NKD2: variants seen among roughly 807,000 people sequenced by gnomAD.
The protein encoded by NKD2 is NKD inhibitor of Wnt signaling pathway 2, also known as protein naked cuticle homolog 2.
NKD2 carries 43 observed loss-of-function variants against 34.8 expected under a neutral mutation model. The ratio of observed to expected loss-of-function variants is 1.24; its 90% CI spans 0.97 to 1.60. NKD2 has a LOEUF of 1.60. Among genes scored for constraint, NKD2 ranks in the 40% most tolerant of loss-of-function variants. The pLI is 0.00. For missense variants in NKD2, 675 were observed against 627.1 expected (o/e 1.08, Z -0.82); for synonymous variants, 278 against 265.1 (o/e 1.05, Z -0.47).
chr5:1,036,201 A>C (rs1482262658), intron 8 of NKD2, 56 bp from the exon 9 acceptor site: 1 of 1,464,958 alleles, frequency 6.8e-7, no homozygotes, highest in African/African-American at 1.4e-5. Context: ...CCCCGTCATC[A>C]GGGGTGCGCC....
At chr5:1,010,400 C>T (rs561463174) in intron 3 of NKD2, among the ~76,000 whole-genome samples, 12 of 152,236 alleles carry the variant, frequency 7.9e-5, no homozygotes, top group South Asian at 4.2e-4. Flanking sequence ...CAGAACATGC[C>T]GGGTCACGCA....
In NKD2 at chr5:1,038,447, C is replaced by G. The variant is rs532719389; in HGVS notation, c.*74C>G. ...TCAGGGCAGGGAGCAGAGCAGCTGC[C>G]GGCTGTGTGCCCATGGGGAGCCCAG... On this transcript the variant is annotated 3_prime_UTR_variant, in exon 10 of 10. Coordinates refer to ENST00000296849, the MANE Select transcript of NKD2 (RefSeq NM_033120.4). The surrounding 1 kb of genome is among the most constrained non-coding windows in gnomAD (Gnocchi z 4.5). 1.3e-6 allele frequency: 2 copies of G among 1,535,616 alleles called. No homozygotes were observed. Among genetic ancestry groups the G allele is most frequent in the East Asian group, 2.4e-5 (1 of 40,884 alleles).
intron 3 of NKD2, among the ~76,000 whole-genome samples, chr5:1,024,164 G>A (rs1348390360): frequency 1.9e-4 from 1 of 5,236 alleles, no homozygotes; most frequent in African/African-American, 2.1e-4. Flanking sequence ...TCAGCCCATT[G>A]TCCCTGCTCT....
chr5:1,036,517 A>G, intron 9 of NKD2, 133 bp downstream of exon 9: 1 of 308,498 alleles, frequency 3.2e-6, no homozygotes, highest in Non-Finnish European at 4.9e-6. Flanking sequence ...CCCCCACCCC[A>G]CCCCACCCAG....
intron 3 of NKD2, among the ~76,000 whole-genome samples, chr5:1,024,981 G>A (rs796436108): frequency 3.2e-3 from 14 of 4,314 alleles, no homozygotes; most frequent in African/African-American, 3.4e-3. Flanking sequence ...GTCTCAGCCC[G>A]TTGTCCCTGC....
At chr5:1,032,037 C>A in intron 3 of NKD2, 115 bp from the exon 4 acceptor site, 4 of 788,636 alleles carry the variant, frequency 5.1e-6, no homozygotes, top group South Asian at 4.5e-5. Context: ...ATTGAGACGC[C>A]CCAGGAGGCC....
chr5:1,037,580 GA>G, intron 9 of NKD2: 1 of 1,535,870 alleles, frequency 6.5e-7, no homozygotes, highest in Non-Finnish European at 8.7e-7. Flanking sequence ...GACAAGGCTA[GA>G]GGAGTCGGCC....
At chr5:1,032,874 G>A (rs1411173522) in intron 4 of NKD2, among the ~76,000 whole-genome samples, 1 of 152,216 alleles carries the variant, frequency 6.6e-6, no homozygotes, top group East Asian at 1.9e-4. Flanking sequence ...GAGAATAACG[G>A]AATAATTGTG....
intron 9 of NKD2, chr5:1,036,870 AGGCAGGCAGTGTGGAT>A (rs1561001748): frequency 4.4e-6 from 2 of 450,096 alleles, no homozygotes; most frequent in African/African-American, 4.1e-5. Flanking sequence ...TGTGGATGGC[AGGCAGGCAGTGTGGAT>A]GGCGGGCAGT....
intron 3 of NKD2, among the ~76,000 whole-genome samples, chr5:1,031,086 G>A (rs772587048): frequency 5.3e-5 from 8 of 152,126 alleles, no homozygotes; most frequent in African/African-American, 9.7e-5. Context: ...GGCAGGAGGC[G>A]CTTGGGGGGG....
Position 1,009,076 on chromosome 5 carries a change from A to C in NKD2, c.19A>C (p.Lys7Gln). The C allele has an allele frequency of 2.6e-6, 1 of 385,874 alleles. No individual in the cohort carries two copies. The highest frequency in any genetic ancestry group is 4.5e-6 in the Non-Finnish European group (1 of 219,800). The allele number at this position is 385,874 out of a possible 1,614,324, so 23.9% of individuals were successfully genotyped here. MGKLQS[K>Q]HAAAARKRRE... ...GGCGGCGATGGGGAAACTGCAGTCGAAGCACGGTGAGCCGCGGGCCGGTAG... is the reference window on the plus strand; with the variant it reads ...GGCGGCGATGGGGAAACTGCAGTCGCAGCACGGTGAGCCGCGGGCCGGTAG... The change falls in exon 1 of 10, where the codon AAG becomes CAG. Residue 7 changes from lysine to glutamine, a missense_variant. Lys to Gln is a moderately conservative substitution (Grantham distance 53). Coordinates refer to ENST00000296849, the MANE Select transcript of NKD2 (RefSeq NM_033120.4). The surrounding 1 kb of genome is among the most constrained non-coding windows in gnomAD (Gnocchi z 6.9).
intron 3 of NKD2, among the ~76,000 whole-genome samples, chr5:1,015,194 GTGGGCC>G (rs780860846): frequency 2.6e-5 from 4 of 152,228 alleles, no homozygotes; most frequent in Non-Finnish European, 4.4e-5. Flanking sequence ...CCAAGATGCT[GTGGGCC>G]TGATTCGTAC....
At chr5:1,010,152 C>T (rs112693448) in intron 3 of NKD2, among the ~76,000 whole-genome samples, 1 of 152,114 alleles carries the variant, frequency 6.6e-6, no homozygotes, top group East Asian at 1.9e-4. Context: ...AAGAGCCAGG[C>T]GGCCCTGAGG....
intron 3 of NKD2, among the ~76,000 whole-genome samples, chr5:1,029,927 C>T (rs996816782): frequency 6.6e-6 from 1 of 151,284 alleles, no homozygotes; most frequent in African/African-American, 2.5e-5. Context: ...TAAGGAGGCT[C>T]AGGGCACCCA....
intron 7 of NKD2, among the ~76,000 whole-genome samples, 185 bp downstream of exon 7, chr5:1,035,088 AT>A (rs1733796982): frequency 6.6e-6 from 1 of 152,204 alleles, no homozygotes; most frequent in African/African-American, 2.4e-5. Context: ...AAGCAGATTA[AT>A]GAATGAATGA....
rs1176589289 is a variant in NKD2, at chr5:1,038,347, C to G, written c.1330C>G (p.His444Asp). Reference sequence around the variant, plus strand: ...CCACCACGAGCACCACCACCACCACCACCACCACCACTTCCACCCGTCCTA... The same window carrying G: ...CCACCACGAGCACCACCACCACCACGACCACCACCACTTCCACCCGTCCTA... ...HHHHEHHHHH[H>D]HHHFHPS is the part of the protein sequence containing the mutation. Residue 444 changes from histidine (H) to aspartate (D), a missense_variant, in exon 10 of 10, where the codon CAC (histidine) becomes GAC (aspartate). Transcript: ENST00000296849. This position sits in a 1 kb window ranked among gnomAD's most constrained non-coding sequence, Gnocchi z 4.5. 6.5e-7 allele frequency: 1 copy of G among 1,535,664 alleles called. No individual in the cohort carries two copies. Among genetic ancestry groups the G allele is most frequent in the South Asian group, 1.2e-5 (1 of 84,022 alleles).
At chr5:1,037,553 C>T (rs1172305623) in intron 9 of NKD2, 4 of 1,535,836 alleles carry the variant, frequency 2.6e-6, no homozygotes, top group African/African-American at 1.4e-5. Context: ...AGCTCCGCTC[C>T]CAGGACACAC....
Position 1,035,137 on chromosome 5 carries a change from TTAA to T in NKD2, c.574+236_574+238del, listed in dbSNP as rs199808474. The stretch of plus-strand genomic sequence containing the variant: ...GTTAATGAATGAGTGAACAAGTGAG[TTAA>T]TGAATGAATGAGTTAATGAATGAGT... On this transcript the variant is annotated intron_variant, in intron 7 of 9. Transcript: ENST00000296849. Among the ~76,000 whole-genome samples, 1,424 of 151,668 alleles carry T rather than the reference TTAA, an allele frequency of 9.4e-3. 15 individuals carry two copies. Among genetic ancestry groups the T allele is most frequent in the Middle Eastern group, 0.017 (5 of 294 alleles).
In NKD2 at chr5:1,009,417, G is replaced by C. The variant is rs1755657863; in HGVS notation, c.62-64G>C. 5.8e-6 allele frequency: 8 copies of C among 1,368,508 alleles called. No individual in the cohort carries two copies. Among genetic ancestry groups the C allele is most frequent in the South Asian group, 1.3e-5 (1 of 76,440 alleles). 84.8% of individuals were successfully genotyped at this position (1,368,508 alleles called of 1,614,324 possible). ...ACAGCGAAGGCGCAGCGCCCGCGGG[G>C]CTCACGGCGCGTCTCTTTCCCTCCT... On this transcript the variant is annotated intron_variant, in intron 2 of 9. Transcript: ENST00000296849. This position sits in a 1 kb window ranked among gnomAD's most constrained non-coding sequence, Gnocchi z 6.9.
Sources: allele counts gnomAD v4.1 joint callset (sites outside exome capture counted in the v4.1 genomes callset), GRCh38; gene constraint gnomAD v4.1.1; non-coding constraint Gnocchi (gnomAD v3.1); transcripts MANE v1.5; gene names NCBI Gene and HGNC (gene_info 2026-07-23, HGNC 2026-07-21).